The following SCTR variants were observed in gnomAD, a reference collection of about 807,000 sequenced individuals.
SCTR encodes secretin receptor, also known as pancreatic secretin receptor.
In SCTR, 56 loss-of-function variants were observed where a neutral mutation model predicts 60.8. The observed-to-expected ratio is 0.92, with a 90% CI of 0.74 to 1.15. SCTR has a LOEUF of 1.15. Among genes scored for constraint, SCTR ranks in the 50% most tolerant of loss-of-function variants. SCTR has a pLI of 0.00. For missense variants in SCTR, 562 were observed against 550.4 expected, an observed-to-expected ratio of 1.02 and a Z score of -0.21; for synonymous variants, 202 against 217.0, an observed-to-expected ratio of 0.93 and a Z score of 0.61.
intron 10 of SCTR, among the ~76,000 whole-genome samples, chr2:119,447,377 G>A (rs144285717): frequency 8.5e-5 from 13 of 152,272 alleles, no homozygotes; most frequent in African/African-American, 3.1e-4. Context: ...CCATGTGGGG[G>A]TATAAATATT....
chr2:119,478,985 A>G (rs1677474585), intron 2 of SCTR, 67 bp from the exon 3 acceptor site: 4 of 1,595,544 alleles, frequency 2.5e-6, no homozygotes, highest in African/African-American at 2.7e-5. Context: ...CATCCTGTCC[A>G]CATCACCGAC....
chr2:119,462,835 C>T (rs1448724621), intron 6 of SCTR, among the ~76,000 whole-genome samples: 1 of 152,206 alleles, frequency 6.6e-6, no homozygotes, highest in Non-Finnish European at 1.5e-5. Context: ...TTCCCAGAGG[C>T]TCTGACTCCA....
intron 3 of SCTR, among the ~76,000 whole-genome samples, chr2:119,475,621 G>T (rs1026262817): frequency 7.7e-6 from 1 of 129,126 alleles, no homozygotes; most frequent in African/African-American, 2.7e-5. Flanking sequence ...TATATATATA[G>T]ATGTAGATAT....
chr2:119,450,148 G>GCAA (rs879637506), intron 9 of SCTR, among the ~76,000 whole-genome samples: 49 of 139,402 alleles, frequency 3.5e-4, no homozygotes, highest in Middle Eastern at 8.5e-3. Context: ...AAGGAAGCAA[G>GCAA]GAAGCAAGCA....
intron 11 of SCTR, among the ~76,000 whole-genome samples, chr2:119,445,425 A>T (rs1036405329): frequency 6.6e-6 from 1 of 152,148 alleles, no homozygotes; most frequent in Non-Finnish European, 1.5e-5. Context: ...GTAGAGGGCC[A>T]GCTTAGGGGA....
intron 7 of SCTR, among the ~76,000 whole-genome samples, chr2:119,460,768 G>A (rs1272543034): frequency 1.3e-5 from 2 of 152,254 alleles, no homozygotes; most frequent in Admixed American, 6.5e-5. Flanking sequence ...TGGCTGTCTC[G>A]CTCTCATTCT....
intron 1 of SCTR, among the ~76,000 whole-genome samples, chr2:119,508,928 T>A (rs1678848365): frequency 6.6e-6 from 1 of 152,210 alleles, no homozygotes; most frequent in Admixed American, 6.5e-5. Context: ...CTCTTGATGT[T>A]AATATACAGG....
At chr2:119,504,050 C>T (rs1678649164) in intron 1 of SCTR, among the ~76,000 whole-genome samples, 1 of 152,146 alleles carries the variant, frequency 6.6e-6, no homozygotes, top group African/African-American at 2.4e-5. Context: ...AACAGGATAT[C>T]AATGGAAGAA....
chr2:119,465,905 G>A lies in SCTR; in HGVS notation c.406-19C>T, dbSNP rs575890078. On this transcript the variant is annotated intron_variant, in intron 4 of 12. Transcript: ENST00000019103. ...AGGAGTGCTGCAGAGAGAGGCACGT[G>A]TCAGCCCCGCCGGCCCTCCTGGCTA... 1 of 1,580,914 alleles carries A rather than the reference G, an allele frequency of 6.3e-7. No individual in the cohort carries two copies.
At chr2:119,469,190 G>A (rs1015670408) in intron 4 of SCTR, among the ~76,000 whole-genome samples, 4 of 152,074 alleles carry the variant, frequency 2.6e-5, no homozygotes, top group East Asian at 3.9e-4. Flanking sequence ...AAAAATTGAG[G>A]ACCAATATGT....
At chr2:119,488,597 T>C (rs149354143) in intron 2 of SCTR, among the ~76,000 whole-genome samples, 1 of 152,274 alleles carries the variant, frequency 6.6e-6, no homozygotes, top group Non-Finnish European at 1.5e-5. Flanking sequence ...CCCGGAGTAA[T>C]GTGAATGTGC....
intron 1 of SCTR, among the ~76,000 whole-genome samples, chr2:119,512,919 T>G (rs1484702276): frequency 6.6e-6 from 1 of 152,256 alleles, no homozygotes; most frequent in Non-Finnish European, 1.5e-5. Flanking sequence ...CTACATGATC[T>G]GTTTCCTTGA....
At chr2:119,507,613 G>C (rs1210783515) in intron 1 of SCTR, among the ~76,000 whole-genome samples, 3 of 151,032 alleles carry the variant, frequency 2.0e-5, no homozygotes, top group Admixed American at 1.3e-4. Flanking sequence ...AATTTGCTAT[G>C]GGTGTCATAT....
chr2:119,506,442 T>G (rs1311282489), intron 1 of SCTR, among the ~76,000 whole-genome samples: 2 of 151,994 alleles, frequency 1.3e-5, no homozygotes, highest in East Asian at 3.9e-4. Flanking sequence ...TTTATCCATT[T>G]GTATAGCATT....
intron 11 of SCTR, among the ~76,000 whole-genome samples, chr2:119,445,747 G>A (rs1176780954): frequency 1.3e-5 from 2 of 151,866 alleles, no homozygotes; most frequent in Non-Finnish European, 2.9e-5. Flanking sequence ...GTTTGATTTT[G>A]TCTTATGGAT....
chr2:119,447,616 G>A (rs1573792000), intron 10 of SCTR, among the ~76,000 whole-genome samples: 1 of 152,170 alleles, frequency 6.6e-6, no homozygotes, highest in South Asian at 2.1e-4. Context: ...GTGTTGTGCA[G>A]GCAGGAGTGC....
intron 1 of SCTR, among the ~76,000 whole-genome samples, chr2:119,509,547 A>G (rs1476437925): frequency 1.3e-5 from 2 of 152,212 alleles, no homozygotes; most frequent in Non-Finnish European, 2.9e-5. Flanking sequence ...CCTGTGCAAG[A>G]AGAGTTCAAC....
At chr2:119,473,635 T>A in intron 3 of SCTR, 79 bp from the exon 4 acceptor site, 1 of 909,968 alleles carries the variant, frequency 1.1e-6, no homozygotes, top group Non-Finnish European at 1.8e-6. Flanking sequence ...TTGTAACATG[T>A]AGCTGCTACA....
intron 5 of SCTR, among the ~76,000 whole-genome samples, chr2:119,465,082 C>T (rs1683775445): frequency 6.6e-6 from 1 of 152,204 alleles, no homozygotes; most frequent in Non-Finnish European, 1.5e-5. Context: ...CCACCCTTCT[C>T]ACCCTCATGA....
Sources: allele counts gnomAD v4.1 joint callset (sites outside exome capture counted in the v4.1 genomes callset), GRCh38; gene constraint gnomAD v4.1.1; transcripts MANE v1.5; gene names NCBI Gene and HGNC (gene_info 2026-07-23, HGNC 2026-07-21).